GRK5: variants seen among roughly 807,000 people sequenced by gnomAD.
GRK5 encodes G protein-coupled receptor kinase 5.
GRK5 carries 40 observed loss-of-function variants against 78.4 expected under a neutral mutation model. The observed-to-expected ratio is 0.51, with a 90% CI of 0.40 to 0.66. The LOEUF (loss-of-function observed/expected upper bound fraction) is 0.66, where lower values mean the gene tolerates loss of function less well. GRK5 is among the 30% of genes least tolerant of loss of function. The pLI is 0.00. For synonymous variants in GRK5, 289 were observed against 296.8 expected (o/e 0.97, Z 0.27); for missense variants, 598 against 759.9 (o/e 0.79, Z 2.50).
intron 1 of GRK5, among the ~76,000 whole-genome samples, chr10:119,250,435 C>G (rs1001106560): frequency 1.3e-4 from 20 of 152,010 alleles, no homozygotes; most frequent in African/African-American, 4.4e-4. Context: ...GCTCTGTCAC[C>G]CAGGCTGGAG....
At chr10:119,209,957 C>T (rs1313847479) in intron 1 of GRK5, among the ~76,000 whole-genome samples, 2 of 151,936 alleles carry the variant, frequency 1.3e-5, no homozygotes, top group Non-Finnish European at 1.5e-5. Flanking sequence ...CCAAATTGTT[C>T]TCCCCAGTAT....
chr10:119,330,552 G>A (rs1012971584), intron 2 of GRK5, among the ~76,000 whole-genome samples: 1 of 152,102 alleles, frequency 6.6e-6, no homozygotes, highest in African/African-American at 2.4e-5. Flanking sequence ...GGGAGGATGC[G>A]GACATTCAGT....
At chr10:119,301,060 T>C (rs757717840) in intron 1 of GRK5, among the ~76,000 whole-genome samples, 2 of 151,500 alleles carry the variant, frequency 1.3e-5, no homozygotes, top group Non-Finnish European at 2.9e-5. Context: ...GCCGAGATCG[T>C]GCCACTGCAC....
In GRK5 at chr10:119,452,139, C is replaced by T. The variant is rs140603987; in HGVS notation, c.1405-532C>T. On this transcript the variant is annotated intron_variant, in intron 13 of 15. Transcript: ENST00000392870. This position sits in a 1 kb window ranked among gnomAD's most constrained non-coding sequence, Gnocchi z 4.4. ...AATAATACCAGCTCCCAGTTACGGG[C>T]GCCAGGCTCGGTGGCCAGCACTGAC... Among the ~76,000 whole-genome samples the T allele has an allele frequency of 8.2e-3, 1,249 of 152,318 alleles. 21 individuals carry two copies. Among genetic ancestry groups the T allele is most frequent in the African/African-American group, 0.028 (1,151 of 41,568 alleles).
intron 1 of GRK5, among the ~76,000 whole-genome samples, chr10:119,216,829 A>G (rs1210449983): frequency 6.6e-6 from 1 of 151,934 alleles, no homozygotes; most frequent in African/African-American, 2.4e-5. Flanking sequence ...GTGGGTGCCT[A>G]TAATAATCCC....
chr10:119,259,849 ACAG>A (rs1490865107), intron 1 of GRK5, among the ~76,000 whole-genome samples: 2 of 152,224 alleles, frequency 1.3e-5, no homozygotes, highest in Non-Finnish European at 2.9e-5. Context: ...ACCATAGTGG[ACAG>A]CATAGCTCTA....
Position 119,318,750 on chromosome 10 carries a change from T to C in GRK5, c.53-7766T>C, listed in dbSNP as rs370701675. 3.6e-4 allele frequency among the ~76,000 whole-genome samples: 54 copies of C among 152,076 alleles called. 2 individuals are homozygous for C. Among genetic ancestry groups the C allele is most frequent in the African/African-American group, 1.3e-3 (53 of 41,492 alleles). ...CCCCACAAGCACTGCACCTCCCCCATCCTCAGCTTCTCCCTTCTGTTCTCC... is the reference window on the plus strand; with the variant it reads ...CCCCACAAGCACTGCACCTCCCCCACCCTCAGCTTCTCCCTTCTGTTCTCC... On this transcript the variant is annotated intron_variant, in intron 1 of 15. Transcript: ENST00000392870.
chr10:119,306,613 G>A (rs977430540), intron 1 of GRK5, among the ~76,000 whole-genome samples: 3 of 152,142 alleles, frequency 2.0e-5, no homozygotes, highest in African/African-American at 7.2e-5. Flanking sequence ...TCTTGGCCCC[G>A]AATATGGATT....
At chr10:119,366,501 A>G (rs1216307353) in intron 2 of GRK5, among the ~76,000 whole-genome samples, 1 of 152,194 alleles carries the variant, frequency 6.6e-6, no homozygotes, top group African/African-American at 2.4e-5. Flanking sequence ...AACTCAGGGC[A>G]GGAGGGGGGC....
At chr10:119,324,768 C>G (rs542630679) in intron 1 of GRK5, among the ~76,000 whole-genome samples, 1 of 152,248 alleles carries the variant, frequency 6.6e-6, no homozygotes, top group Non-Finnish European at 1.5e-5. Context: ...TGTGTGTGCA[C>G]TTGTGTGTGT....
intron 2 of GRK5, among the ~76,000 whole-genome samples, chr10:119,346,824 C>A (rs1413667259): frequency 6.6e-6 from 1 of 152,274 alleles, no homozygotes; most frequent in East Asian, 1.9e-4. Context: ...ATTGAGCTGG[C>A]CTTTCTTGTT....
At chr10:119,305,679 G>A (rs1263119390) in intron 1 of GRK5, among the ~76,000 whole-genome samples, 4 of 152,108 alleles carry the variant, frequency 2.6e-5, no homozygotes, top group Non-Finnish European at 5.9e-5. Context: ...GCCACTCCCC[G>A]GGAGACACGT....
Position 119,331,162 on chromosome 10 carries a change from T to G in GRK5, c.148+4551T>G, listed in dbSNP as rs531289644. On this transcript the variant is annotated intron_variant, in intron 2 of 15. Transcript: ENST00000392870. Reference sequence around the variant, plus strand: ...CGACCATGGGCCCCAGCCCTGTCTGTCCTTCTAGGTCCATAAACTGGCCTC... The same window carrying G: ...CGACCATGGGCCCCAGCCCTGTCTGGCCTTCTAGGTCCATAAACTGGCCTC... Among the ~76,000 whole-genome samples, 4 of 152,338 alleles carry G rather than the reference T, an allele frequency of 2.6e-5. No individual in the cohort carries two copies. The East Asian group carries it at 7.7e-4, about 29-fold the overall frequency.
intron 2 of GRK5, among the ~76,000 whole-genome samples, chr10:119,330,047 G>C (rs1336785221): frequency 6.6e-6 from 1 of 151,810 alleles, no homozygotes; most frequent in African/African-American, 2.4e-5. Flanking sequence ...ATTTTTAGTA[G>C]AGACAGGGTT....
At chr10:119,261,913 GGGGAGA>G (rs142546925) in intron 1 of GRK5, among the ~76,000 whole-genome samples, 21,463 of 151,758 alleles carry the variant, frequency 0.14, 1,598 homozygotes, top group Middle Eastern at 0.17. Context: ...GGGAGACCAT[GGGGAGA>G]GGGAGAGGGA....
chr10:119,356,570 C>G (rs1222739008), intron 2 of GRK5, among the ~76,000 whole-genome samples: 1 of 152,208 alleles, frequency 6.6e-6, no homozygotes, highest in African/African-American at 2.4e-5. Context: ...AGATCAGCCC[C>G]TTTACTGTGC....
At chr10:119,297,685 C>A (rs1238093897) in intron 1 of GRK5, among the ~76,000 whole-genome samples, 1 of 152,210 alleles carries the variant, frequency 6.6e-6, no homozygotes, top group East Asian at 1.9e-4. Flanking sequence ...TGCTCTCTTG[C>A]TCTTGCCCCC....
At chr10:119,255,283 G>A (rs142791434) in intron 1 of GRK5, among the ~76,000 whole-genome samples, 2 of 152,164 alleles carry the variant, frequency 1.3e-5, no homozygotes, top group South Asian at 2.1e-4. Context: ...TTATTCTCAG[G>A]GGTATCAGGG....
At chr10:119,411,772 G>A (rs139978751) in intron 4 of GRK5, among the ~76,000 whole-genome samples, 372 of 149,230 alleles carry the variant, frequency 2.5e-3, no homozygotes, top group African/African-American at 8.8e-3. Flanking sequence ...GGACTACTCC[G>A]TCTCAATTAA....
Sources: allele counts gnomAD v4.1 joint callset (sites outside exome capture counted in the v4.1 genomes callset), GRCh38; gene constraint gnomAD v4.1.1; non-coding constraint Gnocchi (gnomAD v3.1); transcripts MANE v1.5; gene names NCBI Gene and HGNC (gene_info 2026-07-23, HGNC 2026-07-21).